The following SCFD2 variants were observed in gnomAD, a reference collection of about 807,000 sequenced individuals.
SCFD2 encodes sec1 family domain-containing protein 2.
Under a neutral mutation model 58.9 loss-of-function variants are expected in SCFD2, and 54 were observed. That is an observed-to-expected ratio of 0.92 (90% CI 0.74 to 1.15). The LOEUF is 1.15. Ranked by LOEUF, SCFD2 falls within the 50% of genes most tolerant of loss-of-function variation. SCFD2 has a pLI of 0.00. For missense variants in SCFD2, 805 were observed against 836.6 expected (o/e 0.96, Z 0.47); for synonymous variants, 321 against 335.9 (o/e 0.96, Z 0.49).
At chr4:52,937,505 C>T (rs1577841458) in intron 5 of SCFD2, among the ~76,000 whole-genome samples, 3 of 152,194 alleles carry the variant, frequency 2.0e-5, no homozygotes, top group African/African-American at 7.2e-5. Flanking sequence ...AGAGAGCACA[C>T]AAGCTCTGCA....
chr4:52,978,533 CA>C (rs1721303382), intron 5 of SCFD2, among the ~76,000 whole-genome samples: 1 of 152,084 alleles, frequency 6.6e-6, no homozygotes, highest in South Asian at 2.1e-4. Flanking sequence ...TAGGACTCAG[CA>C]AATAGTAGTT....
intron 4 of SCFD2, among the ~76,000 whole-genome samples, chr4:53,258,509 A>G (rs1382799208): frequency 1.4e-5 from 2 of 142,712 alleles, no homozygotes; most frequent in Non-Finnish European, 3.0e-5. Context: ...GTTTCTTTTT[A>G]TGGCTAAGTC....
rs1730537250 is a variant in SCFD2, at chr4:53,254,809, TA to T, written c.1311+19016del. Among the ~76,000 whole-genome samples the T allele has an allele frequency of 9.1e-3, 107 of 11,778 alleles. 3 individuals are homozygous for T. The South Asian group carries it at 0.24, about 26-fold the overall frequency. The allele number at this position is 11,778 out of a possible 152,430, so 7.7% of individuals were successfully genotyped here. ...ACACTTCATGTTTATTTTATTTTTT[TA>T]TTTTATTTTATTTTATTTTATTTTA... On this transcript the variant is annotated intron_variant, in intron 4 of 8. Transcript: ENST00000401642.
At chr4:53,346,084 G>GAACT (rs1358703081) in intron 2 of SCFD2, among the ~76,000 whole-genome samples, 2 of 151,422 alleles carry the variant, frequency 1.3e-5, no homozygotes, top group Non-Finnish European at 2.9e-5. Flanking sequence ...GTGTACCCTA[G>GAACT]AACTCGAAGT....
intron 2 of SCFD2, among the ~76,000 whole-genome samples, chr4:53,346,916 T>C (rs904630504): frequency 2.6e-5 from 4 of 152,200 alleles, no homozygotes; most frequent in African/African-American, 4.8e-5. Context: ...CCAATGTCTA[T>C]TTATTTTTAA....
intron 5 of SCFD2, among the ~76,000 whole-genome samples, chr4:53,057,301 C>T (rs766295699): frequency 1.4e-4 from 21 of 152,026 alleles, no homozygotes; most frequent in Non-Finnish European, 2.4e-4. Flanking sequence ...AAATGTGGTA[C>T]ATATATACCA....
chr4:53,270,666 G>A (rs1731134115), intron 4 of SCFD2, among the ~76,000 whole-genome samples: 1 of 152,104 alleles, frequency 6.6e-6, no homozygotes, highest in Non-Finnish European at 1.5e-5. Context: ...GCAAGGTGTT[G>A]GATCCATGAT....
intron 4 of SCFD2, among the ~76,000 whole-genome samples, chr4:53,270,761 T>C (rs1731136595): frequency 6.6e-6 from 1 of 152,178 alleles, no homozygotes; most frequent in African/African-American, 2.4e-5. Context: ...CATAATGGCA[T>C]TAAAATCCTT....
chr4:52,911,748 T>C (rs1205496388), intron 6 of SCFD2, among the ~76,000 whole-genome samples: 1 of 152,212 alleles, frequency 6.6e-6, no homozygotes, highest in East Asian at 1.9e-4. Context: ...TCTATGAAAA[T>C]GTGATAGTTA....
intron 8 of SCFD2, among the ~76,000 whole-genome samples, chr4:52,883,735 T>C (rs1489773279): frequency 1.3e-5 from 2 of 152,086 alleles, no homozygotes; most frequent in Non-Finnish European, 2.9e-5. Context: ...AGAAAAGAGG[T>C]CTTGCTCAAA....
At chr4:53,252,084 C>G (rs1044157359) in intron 4 of SCFD2, among the ~76,000 whole-genome samples, 1 of 150,602 alleles carries the variant, frequency 6.6e-6, no homozygotes, top group Non-Finnish European at 1.5e-5. Flanking sequence ...TTCTTATACA[C>G]CAATAACAGA....
At chr4:52,892,232 C>A (rs1718894256) in intron 7 of SCFD2, among the ~76,000 whole-genome samples, 1 of 152,194 alleles carries the variant, frequency 6.6e-6, no homozygotes, top group Non-Finnish European at 1.5e-5. Flanking sequence ...GGCTGCATCC[C>A]CTCAATCCCC....
intron 5 of SCFD2, among the ~76,000 whole-genome samples, chr4:52,934,448 G>GA (rs1720081128): frequency 6.6e-6 from 1 of 152,162 alleles, no homozygotes; most frequent in Non-Finnish European, 1.5e-5. Context: ...AATTATTCTG[G>GA]AAAAAATTTT....
intron 4 of SCFD2, among the ~76,000 whole-genome samples, chr4:53,157,056 A>G (rs1426414941): frequency 1.3e-5 from 2 of 152,234 alleles, no homozygotes; most frequent in Non-Finnish European, 2.9e-5. Context: ...ATTCTGGCAA[A>G]AATTGGAATT....
intron 5 of SCFD2, among the ~76,000 whole-genome samples, chr4:53,040,585 C>T (rs1408250275): frequency 6.6e-6 from 1 of 152,064 alleles, no homozygotes; most frequent in Non-Finnish European, 1.5e-5. Context: ...AGATACTTTG[C>T]TTTGCTCTAT....
chr4:53,138,837 G>T (rs1287975279), intron 5 of SCFD2, among the ~76,000 whole-genome samples: 2 of 152,008 alleles, frequency 1.3e-5, no homozygotes, highest in Non-Finnish European at 2.9e-5. Context: ...ATATTTAACA[G>T]ATGAAAGAAA....
At chr4:53,133,878 C>T (rs1725863635) in intron 5 of SCFD2, among the ~76,000 whole-genome samples, 1 of 152,224 alleles carries the variant, frequency 6.6e-6, no homozygotes, top group Admixed American at 6.5e-5. Context: ...TTTAAGAACA[C>T]TGCTTTCCAT....
intron 5 of SCFD2, among the ~76,000 whole-genome samples, chr4:52,939,918 T>C (rs1167798787): frequency 1.3e-5 from 2 of 152,170 alleles, no homozygotes; most frequent in African/African-American, 4.8e-5. Context: ...GCTGGTGACA[T>C]CAAAGTCACC....
chr4:53,226,669 G>C (rs578197744), intron 4 of SCFD2, among the ~76,000 whole-genome samples: 1 of 152,144 alleles, frequency 6.6e-6, no homozygotes, highest in Non-Finnish European at 1.5e-5. Context: ...TAAGGAGACT[G>C]ATAAGTTAGG....
Sources: gnomAD v4.1 joint callset for allele counts (sites outside exome capture counted in the v4.1 genomes callset) on GRCh38, gnomAD v4.1.1 for gene constraint, MANE v1.5 for transcripts, NCBI Gene and HGNC (gene_info 2026-07-23, HGNC 2026-07-21) for gene names.